The following PIK3C2G variants were observed in gnomAD, a reference collection of about 807,000 sequenced individuals.
PIK3C2G encodes phosphatidylinositol 3-kinase C2 domain-containing subunit gamma.
Under a neutral mutation model 181.1 loss-of-function variants are expected in PIK3C2G, and 168 were observed. The ratio of observed to expected loss-of-function variants is 0.93; its 90% CI spans 0.82 to 1.05. The LOEUF (loss-of-function observed/expected upper bound fraction) is 1.05, where lower values mean the gene tolerates loss of function less well. Ranked by LOEUF, PIK3C2G falls within the 50% of genes least tolerant of loss-of-function variation. The pLI, the probability that PIK3C2G is intolerant of heterozygous loss-of-function variation, is 0.00. For synonymous variants in PIK3C2G, 573 were observed against 592.2 expected (o/e 0.97, Z 0.47); for missense variants, 1,869 against 1,732.8 (o/e 1.08, Z -1.40).
the PIK3C2G span, chr12:18,693,622 G>C: frequency 6.4e-7 from 1 of 1,568,316 alleles, no homozygotes; most frequent in Non-Finnish European, 8.8e-7. Context: ...CGTCCATTGT[G>C]TTTATTGATG....
At chr12:18,611,325 C>G (rs1165117718) in intron 31 of PIK3C2G, among the ~76,000 whole-genome samples, 1 of 152,088 alleles carries the variant, frequency 6.6e-6, no homozygotes, top group Admixed American at 6.6e-5. Flanking sequence ...AAAAGAGTTA[C>G]TAATGATGTA....
At chr12:18,493,665 G>A (rs1195975922) in intron 20 of PIK3C2G, 1 of 152,226 alleles carries the variant, frequency 6.6e-6, no homozygotes, top group Non-Finnish European at 1.5e-5. Context: ...GCACCAGAGG[G>A]TTCACACTGG....
intron 4 of PIK3C2G, among the ~76,000 whole-genome samples, chr12:18,292,227 A>AATATATATATATATATAT (rs1555149102): frequency 1.2e-3 from 60 of 48,644 alleles, no homozygotes; most frequent in Middle Eastern, 0.013. Context: ...AAAAAAAAAA[A>AATATATATATATATATAT]ATATATATAT....
At chr12:18,481,922 T>A in intron 18 of PIK3C2G, among the ~76,000 whole-genome samples, 1 of 152,166 alleles carries the variant, frequency 6.6e-6, no homozygotes, top group Non-Finnish European at 1.5e-5. Context: ...ACTCTTAGAT[T>A]TTTAACTGTC....
At chr12:18,378,312 G>GA (rs1328309120) in intron 13 of PIK3C2G, among the ~76,000 whole-genome samples, 21 of 144,638 alleles carry the variant, frequency 1.5e-4, no homozygotes, top group Non-Finnish European at 3.0e-4. Flanking sequence ...TTCCTCATGA[G>GA]TTCCCCCCCC....
intron 18 of PIK3C2G, among the ~76,000 whole-genome samples, chr12:18,448,007 G>A (rs1947122217): frequency 1.3e-5 from 2 of 152,010 alleles, no homozygotes; most frequent in Non-Finnish European, 2.9e-5. Flanking sequence ...TGAAGCTAAG[G>A]AAATCAAATA....
At chr12:18,589,492 G>C (rs895831769) in intron 29 of PIK3C2G, among the ~76,000 whole-genome samples, 3 of 151,882 alleles carry the variant, frequency 2.0e-5, no homozygotes, top group Non-Finnish European at 4.4e-5. Context: ...AGTGACCTAA[G>C]ACCAGTAGGC....
the PIK3C2G span, among the ~76,000 whole-genome samples, chr12:18,714,198 T>C: frequency 6.6e-6 from 1 of 152,212 alleles, no homozygotes; most frequent in East Asian, 1.9e-4. Context: ...AATATAGTTA[T>C]AGCGTTAAGA....
At chr12:18,316,906 T>C (rs1950887562) in intron 6 of PIK3C2G, among the ~76,000 whole-genome samples, 1 of 152,034 alleles carries the variant, frequency 6.6e-6, no homozygotes, top group South Asian at 2.1e-4. Flanking sequence ...CCCTCAGGGA[T>C]TCAGGGGATG....
rs1225346057 is a variant in PIK3C2G, at chr12:18,647,880, T to C, written c.4313T>C (p.Val1438Ala). The C allele has an allele frequency of 2.6e-6, 4 of 1,539,780 alleles. No homozygotes were observed. The highest frequency in any genetic ancestry group is 1.3e-5 in the South Asian group (1 of 79,720). Residue 1438 changes from valine (V) to alanine (A), a missense_variant, in exon 33 of 33, where the codon GTA becomes GCA. Coordinates refer to ENST00000538779, the MANE Select transcript of PIK3C2G (RefSeq NM_001288772.2). ...CATTATTTTCTCCGTTTTTAGGTAG[T>C]ATATGATGAAGTCACAGAGCTCCAA... ...CTDPTYNEIVVYDEVTELQGH... is the reference protein window; with the variant it reads ...CTDPTYNEIVAYDEVTELQGH...
intron 18 of PIK3C2G, among the ~76,000 whole-genome samples, chr12:18,436,579 T>G (rs913096743): frequency 6.6e-6 from 1 of 152,030 alleles, no homozygotes; most frequent in African/African-American, 2.4e-5. Flanking sequence ...GCACACAGTA[T>G]ACAATTCATT....
At chr12:18,715,706 A>G in the PIK3C2G span, 2 of 152,166 alleles carry the variant, frequency 1.3e-5, no homozygotes, top group Non-Finnish European at 2.9e-5. Context: ...TGTCACCCAC[A>G]CTAAAGTGCA....
At chr12:18,564,126 A>G (rs1004873964) in intron 28 of PIK3C2G, among the ~76,000 whole-genome samples, 5 of 151,930 alleles carry the variant, frequency 3.3e-5, no homozygotes, top group Non-Finnish European at 7.4e-5. Flanking sequence ...CATCTTGAAA[A>G]TCATTATTTT....
At chr12:18,427,191 A>G (rs959618880) in intron 18 of PIK3C2G, among the ~76,000 whole-genome samples, 2 of 151,868 alleles carry the variant, frequency 1.3e-5, no homozygotes, top group Admixed American at 6.6e-5. Context: ...ATAAAAATAT[A>G]TAAAGTATAA....
intron 18 of PIK3C2G, among the ~76,000 whole-genome samples, chr12:18,457,061 A>G (rs1188793042): frequency 1.3e-5 from 2 of 152,100 alleles, no homozygotes; most frequent in Non-Finnish European, 2.9e-5. Flanking sequence ...ATACAAGTAC[A>G]ATGGAAACAT....
At chr12:18,313,277 A>C (rs1226041699) in intron 5 of PIK3C2G, among the ~76,000 whole-genome samples, 1 of 152,186 alleles carries the variant, frequency 6.6e-6, no homozygotes, top group Non-Finnish European at 1.5e-5. Context: ...TATAGGCAAA[A>C]AAAGAAAGAG....
intron 30 of PIK3C2G, among the ~76,000 whole-genome samples, chr12:18,600,898 T>G (rs933230491): frequency 6.6e-6 from 1 of 152,124 alleles, no homozygotes; most frequent in Non-Finnish European, 1.5e-5. Flanking sequence ...GACAATTTCA[T>G]GTTACTTAAA....
intron 16 of PIK3C2G, among the ~76,000 whole-genome samples, chr12:18,404,629 A>G (rs922854763): frequency 2.6e-5 from 4 of 152,198 alleles, no homozygotes; most frequent in African/African-American, 9.6e-5. Context: ...AAGGAAGACT[A>G]GTGTGTGCAT....
At chr12:18,665,653 C>A in the PIK3C2G span, among the ~76,000 whole-genome samples, 1 of 151,876 alleles carries the variant, frequency 6.6e-6, no homozygotes, top group Non-Finnish European at 1.5e-5. Flanking sequence ...ATTAGCCTGG[C>A]GGTCTGGACG....
Sources: allele counts gnomAD v4.1 joint callset (sites outside exome capture counted in the v4.1 genomes callset), GRCh38; gene constraint gnomAD v4.1.1; transcripts MANE v1.5; gene names NCBI Gene and HGNC (gene_info 2026-07-23, HGNC 2026-07-21).